The following CUX1 variants were observed in gnomAD, a reference collection of about 807,000 sequenced individuals.
The protein encoded by CUX1 is protein CASP.
CUX1 carries 31 observed loss-of-function variants against 158.8 expected under a neutral mutation model. The ratio of observed to expected loss-of-function variants is 0.20; its 90% confidence interval spans 0.15 to 0.26. The LOEUF is 0.26. Ranked by LOEUF, CUX1 falls within the 10% of genes least tolerant of loss-of-function variation. The pLI, the probability that CUX1 is intolerant of heterozygous loss-of-function variation, is 1.00. For missense variants in CUX1, 1,589 were observed against 2,014.6 expected (o/e 0.79, Z 4.04); for synonymous variants, 879 against 862.1 (o/e 1.02, Z -0.34).
intron 3 of CUX1, among the ~76,000 whole-genome samples, chr7:102,069,993 C>T (rs1825952528): frequency 6.6e-6 from 1 of 152,174 alleles, no homozygotes; most frequent in Non-Finnish European, 1.5e-5. Flanking sequence ...TCCCACCCAC[C>T]TCTGATCCCC....
In CUX1 at chr7:102,195,595, A is replaced by G; in HGVS notation, c.1214A>G (p.Asp405Gly). The G allele has an allele frequency of 6.2e-7, 1 of 1,607,398 alleles. No homozygotes were observed. Among genetic ancestry groups the G allele is most frequent in the African/African-American group, 1.3e-5 (1 of 75,022 alleles). Reference protein sequence around the residue: ...ENAALRISNSDLSGSARRKGK... With the variant: ...ENAALRISNSGLSGSARRKGK... ...GCCGCGCTGCGCATCTCCAACAGCG[A>G]CCTGAGCGGTAGGTTGGCCGGGCTT... Residue 405 changes from aspartate to glycine, a missense_variant, in exon 14 of 24, where the codon GAC (aspartate) becomes GGC (glycine). Physicochemically the swap from Asp to Gly is moderately conservative, Grantham distance 94. Around this residue, in one of 8 missense-constraint regions of CUX1, gnomAD observed 515 missense variants for 574.4 expected, o/e 0.90. Transcript: ENST00000292535.
At chr7:102,067,031 G>A (rs552871826) in intron 3 of CUX1, among the ~76,000 whole-genome samples, 1 of 152,158 alleles carries the variant, frequency 6.6e-6, no homozygotes, top group African/African-American at 2.4e-5. Context: ...GGAGTTCATT[G>A]ACTTTTAGGA....
intron 2 of CUX1, among the ~76,000 whole-genome samples, chr7:102,001,429 C>T (rs1411146210): frequency 2.6e-5 from 4 of 152,132 alleles, no homozygotes; most frequent in East Asian, 1.9e-4. Flanking sequence ...CTGCATCCTC[C>T]GCCTCCCAAG....
At chr7:102,035,945 C>G (rs1243764291) in intron 3 of CUX1, among the ~76,000 whole-genome samples, 1 of 152,134 alleles carries the variant, frequency 6.6e-6, no homozygotes, top group Non-Finnish European at 1.5e-5. Flanking sequence ...CATTTCAGCT[C>G]ACTGCAACCT....
At chr7:101,942,279 A>G (rs1271092116) in intron 2 of CUX1, among the ~76,000 whole-genome samples, 5 of 152,208 alleles carry the variant, frequency 3.3e-5, no homozygotes, top group Non-Finnish European at 7.3e-5. Flanking sequence ...ATGCAGACAC[A>G]TTGGGTCATA....
At chr7:102,054,055 G>T (rs1229167453) in intron 3 of CUX1, among the ~76,000 whole-genome samples, 1 of 152,084 alleles carries the variant, frequency 6.6e-6, no homozygotes, top group East Asian at 1.9e-4. Context: ...TGATCCACCT[G>T]CCTCAGCCTC....
chr7:101,829,798 C>T (rs1339625511), intron 1 of CUX1, among the ~76,000 whole-genome samples: 2 of 152,210 alleles, frequency 1.3e-5, no homozygotes, highest in Non-Finnish European at 2.9e-5. Context: ...GATAGAATCA[C>T]GGCTGCCCCA....
intron 2 of CUX1, among the ~76,000 whole-genome samples, chr7:101,926,939 A>G (rs1231573365): frequency 6.6e-6 from 1 of 152,032 alleles, no homozygotes; most frequent in Non-Finnish European, 1.5e-5. Context: ...TACAGCAGGG[A>G]TGGAGGGAGA....
rs868909759 is a variant in CUX1, at chr7:102,283,329, C to A, written c.*239C>A. On this transcript the variant is annotated 3_prime_UTR_variant, in exon 23 of 23. Coordinates refer to the CUX1 transcript ENST00000292538. ...GCCCGGCCAGGCTAAGCCGCAGAGA[C>A]CCTCTCAGCCCCCACCTCAGGTTAG... 4.2e-5 allele frequency: 23 copies of A among 550,208 alleles called. No homozygotes were observed. The Middle Eastern group carries it at 2.4e-3, about 58-fold the overall frequency. 34.1% of individuals were successfully genotyped at this position (550,208 alleles called of 1,614,324 possible).
At chr7:102,270,368 C>T (rs555763313) in intron 14 of CUX1, among the ~76,000 whole-genome samples, 3 of 152,334 alleles carry the variant, frequency 2.0e-5, no homozygotes, top group African/African-American at 4.8e-5. Flanking sequence ...TCCTGGCCTT[C>T]GCTTCCTCCC....
At chr7:101,886,107 C>G (rs1187834455) in intron 1 of CUX1, among the ~76,000 whole-genome samples, 1 of 152,110 alleles carries the variant, frequency 6.6e-6, no homozygotes, top group African/African-American at 2.4e-5. Flanking sequence ...CCTGCTGGCC[C>G]TGAATGTGGG....
intron 6 of CUX1, among the ~76,000 whole-genome samples, chr7:102,108,736 TTGTGTGTG>T (rs10527026): frequency 1.0e-4 from 15 of 145,062 alleles, no homozygotes; most frequent in South Asian, 4.4e-4. Flanking sequence ...TTCATTCATT[TTGTGTGTG>T]TGTGTGTGTG....
chr7:102,231,004 G>A (rs1045939352), intron 21 of CUX1, among the ~76,000 whole-genome samples: 5 of 148,788 alleles, frequency 3.4e-5, no homozygotes, highest in Non-Finnish European at 7.4e-5. Context: ...GGGACTACAG[G>A]CACACACCCC....
intron 2 of CUX1, among the ~76,000 whole-genome samples, chr7:101,928,316 A>C (rs1232901632): frequency 6.6e-6 from 1 of 151,950 alleles, no homozygotes; most frequent in East Asian, 1.9e-4. Context: ...TGTTCATGTT[A>C]CCAAAATCTA....
At chr7:102,189,369 G>A (rs1554516256) in intron 11 of CUX1, among the ~76,000 whole-genome samples, 1 of 143,162 alleles carries the variant, frequency 7.0e-6, no homozygotes, top group African/African-American at 2.7e-5. Context: ...TGGGTGCGGG[G>A]GGGGATGCTT....
intron 8 of CUX1, among the ~76,000 whole-genome samples, chr7:102,149,283 T>C (rs1378715998): frequency 6.6e-6 from 1 of 152,062 alleles, no homozygotes; most frequent in Non-Finnish European, 1.5e-5. Context: ...CGGGATACTG[T>C]TTCTCCTGGT....
chr7:102,196,735 G>A lies in CUX1; in HGVS notation c.1324G>A (p.Ala442Thr), dbSNP rs1554518457. 2 of 1,612,984 alleles carry A rather than the reference G, an allele frequency of 1.2e-6. No individual in the cohort carries two copies. The highest frequency in any genetic ancestry group is 2.2e-5 in the East Asian group (1 of 44,838). ...SQLPRNPGEQ[A>T]SNTNGTHQFS... ...GTTGCCCCGCAACCCGGGGGAGCAGGCTTCCAATACTAATGGTACACACCA... is the reference window on the plus strand; with the variant it reads ...GTTGCCCCGCAACCCGGGGGAGCAGACTTCCAATACTAATGGTACACACCA... Residue 442 changes from alanine to threonine, a missense_variant, in exon 15 of 24, where the codon GCT becomes ACT. Physicochemically the swap from Ala to Thr is moderately conservative, Grantham distance 58. This residue lies in a region of CUX1 where 515 missense variants were observed against 574.4 expected (regional missense o/e 0.90). Coordinates refer to ENST00000292535, the MANE Select transcript of CUX1 (RefSeq NM_181552.4).
chr7:102,202,240 T>C, intron 18 of CUX1, 36 bp downstream of exon 18: 1 of 1,552,396 alleles, frequency 6.4e-7, no homozygotes, highest in South Asian at 1.2e-5. Context: ...GGTTCTCCCA[T>C]CTCTTCTCCT....
At chr7:102,227,818 CAGTA>C in intron 21 of CUX1, 149 bp downstream of exon 21, 1 of 804,512 alleles carries the variant, frequency 1.2e-6, no homozygotes, top group Non-Finnish European at 1.9e-6. Flanking sequence ...TAGTTGTGAA[CAGTA>C]AGGAGCGTGC....
Sources: allele counts gnomAD v4.1 joint callset (sites outside exome capture counted in the v4.1 genomes callset), GRCh38; gene constraint gnomAD v4.1.1; regional missense constraint gnomAD v4.1.1; transcripts MANE v1.5; gene names NCBI Gene and HGNC (gene_info 2026-07-23, HGNC 2026-07-21).